Variants in ALG8 observed in about 807,000 individuals in gnomAD.
The protein encoded by ALG8 is dolichyl pyrophosphate Glc1Man9GlcNAc2 alpha-1,3-glucosyltransferase.
A neutral mutation model predicts 70.2 loss-of-function variants in ALG8; 48 were observed. The ratio of observed to expected loss-of-function variants is 0.68; its 90% CI spans 0.54 to 0.87. ALG8 has a LOEUF of 0.87. Among genes scored for constraint, ALG8 ranks in the 40% least tolerant of loss-of-function variants. The pLI, the probability that ALG8 is intolerant of heterozygous loss-of-function variation, is 0.00. For synonymous variants in ALG8, 234 were observed against 229.0 expected (o/e 1.02, Z -0.20); for missense variants, 572 against 608.7 (o/e 0.94, Z 0.64).
intron 1 of ALG8, among the ~76,000 whole-genome samples, chr11:78,138,539 C>A (rs142940894): frequency 6.6e-6 from 1 of 152,020 alleles, no homozygotes; most frequent in South Asian, 2.1e-4. Flanking sequence ...ACATATGACT[C>A]TCCCATATTC....
intron 6 of ALG8, 114 bp downstream of exon 6, chr11:78,114,152 T>A (rs1253036005): frequency 6.9e-7 from 1 of 1,458,888 alleles, no homozygotes; most frequent in Non-Finnish European, 9.5e-7. Flanking sequence ...GCTTACAGGA[T>A]TAGCAGCTGA....
intron 9 of ALG8, among the ~76,000 whole-genome samples, chr11:78,107,182 A>G (rs1221131417): frequency 7.6e-6 from 1 of 132,256 alleles, no homozygotes; most frequent in African/African-American, 2.8e-5. Context: ...ATGTAAATAA[A>G]TATATTTTAT....
At position 78,112,739 on chromosome 11, in the gene ALG8, A is replaced by C. The variant is rs1207638091; in HGVS notation, c.809T>G (p.Phe270Cys). The C allele has an allele frequency of 6.2e-7, 1 of 1,614,010 alleles. No individual in the cohort carries two copies. Among genetic ancestry groups the C allele is most frequent in the Non-Finnish European group, 8.5e-7 (1 of 1,179,888 alleles). ...NQLPQVFSRL[F>C]PFKRGLCHAY... ...ATGACAGAGGCCCCTCTTGAAAGGA[A>C]AGAGTCGGGAAAAGACTTGAGGCAG... The change falls in exon 8 of 13, where the codon TTT becomes TGT. Residue 270 changes from phenylalanine (F) to cysteine (C), a missense_variant. Coordinates refer to ENST00000299626, the MANE Select transcript of ALG8 (RefSeq NM_024079.5).
chr11:78,106,154 A>G (rs1476206723), intron 10 of ALG8, among the ~76,000 whole-genome samples: 1 of 152,138 alleles, frequency 6.6e-6, no homozygotes, highest in Non-Finnish European at 1.5e-5. Flanking sequence ...ACAAGGAACC[A>G]TGGGACCTTA....
chr11:78,114,298 AGCAGATATACACCATAAGCTG>A lies in ALG8; in HGVS notation c.620_640del (p.Pro207_Leu213del). 6.2e-7 allele frequency: 1 copy of A among 1,614,170 alleles called. No individual in the cohort carries two copies. Among genetic ancestry groups the A allele is most frequent in the Non-Finnish European group, 8.5e-7 (1 of 1,180,018 alleles). ...ATTTGCAGTGAAACAGTAGGATCGC[AGCAGATATACACCATAAGCTG>A]GTGCTACATAGAGGTAGATATGCTT... On this transcript the variant is annotated inframe_deletion, in exon 6 of 13. Coordinates refer to ENST00000299626, the MANE Select transcript of ALG8 (RefSeq NM_024079.5).
At chr11:78,139,408 T>A in intron 1 of ALG8, 86 bp downstream of exon 1, 1 of 1,312,500 alleles carries the variant, frequency 7.6e-7, no homozygotes, top group Non-Finnish European at 1.1e-6. Flanking sequence ...TTTCTCTTCA[T>A]ACCCAGGGAT....
Position 78,127,372 on chromosome 11 carries a change from G to A in ALG8, c.160C>T (p.Gln54Ter). Residue 54 changes from glutamine to a stop codon, truncating the protein, a stop_gained, in exon 2 of 13, where the codon CAG (glutamine) becomes TAG (stop). Transcript: ENST00000299626. LOFTEE classifies it high-confidence loss of function. ...LAITHSLPISQWYYEATSEWT... is the reference protein window; with the variant it reads ...LAITHSLPIS ...TTAAAACTTACCTCATAATACCACT[G>A]TGATATTGGCAAACTGTGAGTGATA... 6.2e-7 allele frequency: 1 copy of A among 1,613,138 alleles called. No individual in the cohort carries two copies. The highest frequency in any genetic ancestry group is 8.5e-7 in the Non-Finnish European group (1 of 1,179,352).
At chr11:78,125,902 G>GT (rs1276662682) in intron 2 of ALG8, among the ~76,000 whole-genome samples, 1 of 152,212 alleles carries the variant, frequency 6.6e-6, no homozygotes, top group Non-Finnish European at 1.5e-5. Context: ...GCTCACGCCT[G>GT]TAATCCCAGC....
At chr11:78,108,209 G>A (rs6592766) in intron 9 of ALG8, among the ~76,000 whole-genome samples, 20,441 of 152,140 alleles carry the variant, frequency 0.13, 1,538 homozygotes, top group East Asian at 0.28. Context: ...GAACCCAGGA[G>A]GTGGGGGTTG....
At chr11:78,114,897 G>A in intron 5 of ALG8, 1 of 220,944 alleles carries the variant, frequency 4.5e-6, no homozygotes, top group Non-Finnish European at 9.2e-6. Flanking sequence ...ATCTGCTTTA[G>A]CCCAGGAGGT....
At chr11:78,101,412 T>G (rs370907340) in intron 12 of ALG8, among the ~76,000 whole-genome samples, 6 of 152,302 alleles carry the variant, frequency 3.9e-5, no homozygotes, top group African/African-American at 1.4e-4. Flanking sequence ...GTGGATCACC[T>G]GAGGTCAGGA....
At chr11:78,128,298 C>T (rs1305939497) in intron 1 of ALG8, among the ~76,000 whole-genome samples, 1 of 152,180 alleles carries the variant, frequency 6.6e-6, no homozygotes, top group Non-Finnish European at 1.5e-5. Flanking sequence ...AGAACAGTAC[C>T]TGACGCATGG....
chr11:78,108,236 T>C (rs1860132893), intron 9 of ALG8, among the ~76,000 whole-genome samples: 1 of 151,960 alleles, frequency 6.6e-6, no homozygotes, highest in African/African-American at 2.4e-5. Flanking sequence ...GCTGAGATCG[T>C]ACCACTACAC....
intron 9 of ALG8, 125 bp downstream of exon 9, chr11:78,109,317 C>T: frequency 7.8e-7 from 1 of 1,286,324 alleles, no homozygotes; most frequent in Non-Finnish European, 1.1e-6. Flanking sequence ...CTTCAATCTG[C>T]AGAAGGATTA....
chr11:78,116,324 C>T (rs558314954), intron 5 of ALG8, among the ~76,000 whole-genome samples: 9 of 152,072 alleles, frequency 5.9e-5, no homozygotes, highest in Admixed American at 2.0e-4. Context: ...GAGCTGAGAT[C>T]GCGCCACTGC....
chr11:78,130,945 C>A (rs1861284413), intron 1 of ALG8, among the ~76,000 whole-genome samples: 1 of 152,054 alleles, frequency 6.6e-6, no homozygotes. Context: ...TTTCTATTAA[C>A]CACTGTTTCT....
intron 1 of ALG8, among the ~76,000 whole-genome samples, chr11:78,136,921 G>C (rs891610811): frequency 2.0e-5 from 3 of 147,662 alleles, no homozygotes; most frequent in Non-Finnish European, 4.5e-5. Context: ...TTTTTTTTGA[G>C]ACAGAGTTTC....
At chr11:78,134,782 T>G (rs942547176) in intron 1 of ALG8, among the ~76,000 whole-genome samples, 2 of 152,214 alleles carry the variant, frequency 1.3e-5, no homozygotes, top group Non-Finnish European at 2.9e-5. Context: ...TTCAATCACA[T>G]GCTCAGGCTC....
chr11:78,102,070 A>G (rs1859821191), intron 12 of ALG8, among the ~76,000 whole-genome samples: 1 of 152,194 alleles, frequency 6.6e-6, no homozygotes, highest in Non-Finnish European at 1.5e-5. Flanking sequence ...TTATTTTGGT[A>G]AAATATATAT....
Sources: gnomAD v4.1 joint callset for allele counts (sites outside exome capture counted in the v4.1 genomes callset) on GRCh38, gnomAD v4.1.1 for gene constraint, MANE v1.5 for transcripts, NCBI Gene and HGNC (gene_info 2026-07-23, HGNC 2026-07-21) for gene names.